The following C1QTNF7 variants were observed in gnomAD, a reference collection of about 807,000 sequenced individuals.
The protein encoded by C1QTNF7 is C1q and TNF related 7.
A neutral mutation model predicts 19.6 loss-of-function variants in C1QTNF7; 15 were observed. That is an observed-to-expected ratio of 0.76 (90% CI 0.51 to 1.18). The LOEUF is 1.18. Ranked by LOEUF, C1QTNF7 falls within the 50% of genes most tolerant of loss-of-function variation. The pLI, the probability that C1QTNF7 is intolerant of heterozygous loss-of-function variation, is 0.00. For missense variants in C1QTNF7, 324 were observed against 359.7 expected, an observed-to-expected ratio of 0.90 and a Z score of 0.80; for synonymous variants, 142 against 137.5, an observed-to-expected ratio of 1.03 and a Z score of -0.23.
At chr4:15,433,788 GC>G (rs1712423426) in intron 1 of C1QTNF7, among the ~76,000 whole-genome samples, 1 of 152,144 alleles carries the variant, frequency 6.6e-6, no homozygotes, top group Non-Finnish European at 1.5e-5. Context: ...CAGAAAGGTG[GC>G]CCCCTGAGGA....
At chr4:15,418,005 A>G (rs2108922939) in intron 1 of C1QTNF7, among the ~76,000 whole-genome samples, 1 of 152,230 alleles carries the variant, frequency 6.6e-6, no homozygotes, top group African/African-American at 2.4e-5. Flanking sequence ...CCCATCTCCA[A>G]CACTGGGGAT....
upstream of C1QTNF7, among the ~76,000 whole-genome samples, chr4:15,426,881 T>G (rs139105239): frequency 2.5e-3 from 383 of 152,340 alleles, 1 homozygote; most frequent in African/African-American, 8.6e-3. Context: ...TTAAGAACTA[T>G]GAGAAACCCT....
At chr4:15,420,826 C>CT (rs61609914) in intron 1 of C1QTNF7, among the ~76,000 whole-genome samples, 19,846 of 65,646 alleles carry the variant, frequency 0.3, 4,852 homozygotes, top group Middle Eastern at 0.38. Flanking sequence ...ACTGCTTTGT[C>CT]TTTTTTTTTT....
chr4:15,374,855 C>A, intron 1 of C1QTNF7: 3 of 459,106 alleles, frequency 6.5e-6, no homozygotes, highest in Non-Finnish European at 8.5e-6. Flanking sequence ...GTTGGTGTTT[C>A]TCTCTCTCTC....
At chr4:15,398,685 C>T (rs1285982282) in intron 1 of C1QTNF7, among the ~76,000 whole-genome samples, 1 of 152,190 alleles carries the variant, frequency 6.6e-6, no homozygotes, top group Non-Finnish European at 1.5e-5. Context: ...GGGTCTGCAG[C>T]AACCTCAATT....
chr4:15,410,060 G>T (rs1719350666), intron 1 of C1QTNF7, among the ~76,000 whole-genome samples: 1 of 152,104 alleles, frequency 6.6e-6, no homozygotes, highest in South Asian at 2.1e-4. Context: ...ACCCCATGAA[G>T]TGCTAATGGC....
rs200938215 is a variant in C1QTNF7, at chr4:15,350,397, C to CTAAAGTTACTCATTTTCTTTCCCTG, written c.13+10235_13+10259dup. ...ATTCTGAATTTTTCTTCACTTTTTC[C>CTAAAGTTACTCATTTTCTTTCCCTG]TAAAGTTACTCATTTTCTTTCCCTG... On this transcript the variant is annotated intron_variant, in intron 1 of 2. Coordinates refer to the C1QTNF7 transcript ENST00000295297. 2.6e-4 allele frequency among the ~76,000 whole-genome samples: 37 copies of CTAAAGTTACTCATTTTCTTTCCCTG among 142,102 alleles called. 1 individual carries two copies. Among genetic ancestry groups the CTAAAGTTACTCATTTTCTTTCCCTG allele is most frequent in the African/African-American group, 9.7e-4 (36 of 37,098 alleles). The allele number at this position is 142,102 out of a possible 152,430, so 93.2% of individuals were successfully genotyped here.
intron 1 of C1QTNF7, among the ~76,000 whole-genome samples, chr4:15,412,614 T>G (rs1719444571): frequency 6.6e-6 from 1 of 152,148 alleles, no homozygotes; most frequent in African/African-American, 2.4e-5. Context: ...TCAAGACTCT[T>G]CATTTAATCA....
intron 1 of C1QTNF7, among the ~76,000 whole-genome samples, chr4:15,357,172 A>G (rs1297068603): frequency 6.6e-6 from 1 of 152,154 alleles, no homozygotes; most frequent in Admixed American, 6.5e-5. Flanking sequence ...GTCTTTGCCC[A>G]TGCCTATGTC....
At chr4:15,399,598 C>CA (rs1718912642) in intron 1 of C1QTNF7, among the ~76,000 whole-genome samples, 1 of 152,150 alleles carries the variant, frequency 6.6e-6, no homozygotes, top group African/African-American at 2.4e-5. Flanking sequence ...AGACTTAGCC[C>CA]AATGTTTGAA....
At chr4:15,360,371 T>C (rs542228262) in intron 1 of C1QTNF7, among the ~76,000 whole-genome samples, 39 of 152,328 alleles carry the variant, frequency 2.6e-4, no homozygotes, top group Non-Finnish European at 4.4e-4. Context: ...TTTTTGGCAA[T>C]TGATCATTAC....
chr4:15,387,127 G>A (rs1314283304), intron 1 of C1QTNF7, among the ~76,000 whole-genome samples: 3 of 152,208 alleles, frequency 2.0e-5, no homozygotes, highest in African/African-American at 7.2e-5. Flanking sequence ...ATTTGTTAAT[G>A]TACAATTTGC....
At chr4:15,389,127 CTTG>C (rs1560351881) in intron 1 of C1QTNF7, among the ~76,000 whole-genome samples, 1 of 152,128 alleles carries the variant, frequency 6.6e-6, no homozygotes, top group Non-Finnish European at 1.5e-5. Context: ...GATGAGCGGC[CTTG>C]AGTTTTAAGG....
intron 1 of C1QTNF7, among the ~76,000 whole-genome samples, chr4:15,407,233 A>G (rs957498360): frequency 6.6e-6 from 1 of 152,174 alleles, no homozygotes; most frequent in Non-Finnish European, 1.5e-5. Context: ...CTTGAGGTCA[A>G]TAGCACCCTA....
chr4:15,397,768 G>A (rs1373902525), intron 1 of C1QTNF7, among the ~76,000 whole-genome samples: 2 of 152,220 alleles, frequency 1.3e-5, no homozygotes, highest in Non-Finnish European at 2.9e-5. Flanking sequence ...CAGCTCCACT[G>A]TAGATCCTAA....
chr4:15,389,155 C>A (rs189068599), intron 1 of C1QTNF7, among the ~76,000 whole-genome samples: 2 of 152,192 alleles, frequency 1.3e-5, no homozygotes, highest in Non-Finnish European at 2.9e-5. Flanking sequence ...GTAGGGATGG[C>A]CTTCTGAAAT....
chr4:15,444,940 C>T lies in C1QTNF7; in HGVS notation c.*2141C>T, dbSNP rs545883196. 6.6e-6 allele frequency: 1 copy of T among 152,228 alleles called. No individual in the cohort carries two copies. The highest frequency in any genetic ancestry group is 2.4e-5 in the African/African-American group (1 of 41,528). 9.4% of individuals were successfully genotyped at this position (152,228 alleles called of 1,614,324 possible). A position where few individuals can be genotyped will look rare whatever the true frequency, so the allele number is the denominator to read the frequency against. ...TTTATTCATAAGAAAGTGTAGAGAC[C>T]CTGTGTATTTCAGAGCTGGATACTG... On this transcript the variant is annotated 3_prime_UTR_variant, in exon 3 of 3. Coordinates refer to ENST00000444304, the MANE Select transcript of C1QTNF7 (RefSeq NM_031911.5).
At chr4:15,418,760 C>T (rs531271005) in intron 1 of C1QTNF7, among the ~76,000 whole-genome samples, 8 of 152,194 alleles carry the variant, frequency 5.3e-5, no homozygotes, top group Non-Finnish European at 1.0e-4. Flanking sequence ...ACCTCTTCTG[C>T]CTGTTTTTCC....
intron 1 of C1QTNF7, among the ~76,000 whole-genome samples, chr4:15,353,673 C>A (rs374273364): frequency 6.6e-6 from 1 of 151,556 alleles, no homozygotes; most frequent in South Asian, 2.1e-4. Flanking sequence ...AACCAGGGAG[C>A]GGGACAACTA....
Sources: allele counts gnomAD v4.1 joint callset (sites outside exome capture counted in the v4.1 genomes callset), GRCh38; gene constraint gnomAD v4.1.1; transcripts MANE v1.5; gene names NCBI Gene and HGNC (gene_info 2026-07-23, HGNC 2026-07-21).